The following PLXDC2 variants were observed in gnomAD, a reference collection of about 807,000 sequenced individuals.
PLXDC2 encodes the protein plexin domain-containing protein 2.
Under a neutral mutation model 68.9 loss-of-function variants are expected in PLXDC2, and 40 were observed. The observed-to-expected ratio is 0.58, with a 90% confidence interval of 0.45 to 0.76. The LOEUF (loss-of-function observed/expected upper bound fraction) is 0.76, where lower values mean the gene tolerates loss of function less well. PLXDC2 is among the 30% of genes least tolerant of loss of function. PLXDC2 has a pLI of 0.00. For missense variants in PLXDC2, 644 were observed against 661.9 expected, an observed-to-expected ratio of 0.97 and a Z score of 0.30; for synonymous variants, 243 against 234.2, an observed-to-expected ratio of 1.04 and a Z score of -0.34.
intron 1 of PLXDC2, among the ~76,000 whole-genome samples, chr10:19,903,197 T>C (rs1048541161): frequency 6.6e-6 from 1 of 152,134 alleles, no homozygotes; most frequent in Non-Finnish European, 1.5e-5. Context: ...CATCGAATGA[T>C]TTAGGGAGGA....
chr10:20,048,916 C>T (rs946215697), intron 3 of PLXDC2, among the ~76,000 whole-genome samples: 6 of 152,164 alleles, frequency 3.9e-5, no homozygotes, highest in Admixed American at 3.3e-4. Context: ...GTGGCAGTGA[C>T]GTTGTTGCTT....
chr10:19,924,480 C>T (rs117861571), intron 1 of PLXDC2, among the ~76,000 whole-genome samples: 26 of 152,212 alleles, frequency 1.7e-4, no homozygotes, highest in Non-Finnish European at 2.8e-4. Context: ...TTCTGATGAG[C>T]GAAGGCCTTG....
chr10:20,244,387 G>T (rs1170801465), intron 12 of PLXDC2, among the ~76,000 whole-genome samples: 1 of 152,156 alleles, frequency 6.6e-6, no homozygotes. Context: ...CAGAAAATGT[G>T]TATTACAGTG....
At chr10:19,912,208 T>C (rs192225137) in intron 1 of PLXDC2, among the ~76,000 whole-genome samples, 1 of 150,780 alleles carries the variant, frequency 6.6e-6, no homozygotes, top group African/African-American at 2.4e-5. Context: ...TCTTAGTGGG[T>C]TTTTTTTGCC....
chr10:19,819,375 A>C (rs1564598457), intron 1 of PLXDC2, among the ~76,000 whole-genome samples: 2 of 152,188 alleles, frequency 1.3e-5, no homozygotes, highest in African/African-American at 4.8e-5. Context: ...TATGAAAAAA[A>C]TATTGTAATT....
intron 10 of PLXDC2, among the ~76,000 whole-genome samples, chr10:20,216,713 T>C (rs1835142873): frequency 6.6e-6 from 1 of 152,194 alleles, no homozygotes. Context: ...TTCTAAGCTA[T>C]AAAAGTTTGG....
chr10:20,154,826 A>G (rs934008737), intron 6 of PLXDC2, among the ~76,000 whole-genome samples: 2 of 151,950 alleles, frequency 1.3e-5, no homozygotes, highest in African/African-American at 4.8e-5. Flanking sequence ...AAGGATAGTC[A>G]TTAGGTTAGG....
intron 1 of PLXDC2, among the ~76,000 whole-genome samples, chr10:19,910,819 G>C (rs1341549594): frequency 6.6e-6 from 1 of 151,868 alleles, no homozygotes; most frequent in Non-Finnish European, 1.5e-5. Context: ...GACCAGCCTA[G>C]TGAACATAGT....
chr10:20,006,222 TC>T (rs147143696), intron 2 of PLXDC2, among the ~76,000 whole-genome samples: 179 of 152,130 alleles, frequency 1.2e-3, no homozygotes, highest in African/African-American at 4.1e-3. Context: ...CACGGTTGCA[TC>T]TCTTTTGGGG....
chr10:20,171,046 T>C (rs79498167), intron 7 of PLXDC2, among the ~76,000 whole-genome samples: 4,876 of 152,228 alleles, frequency 0.032, 85 homozygotes, highest in South Asian at 0.069. Flanking sequence ...ATTTTTCCCA[T>C]AGAAAACAAT....
intron 1 of PLXDC2, among the ~76,000 whole-genome samples, chr10:19,914,818 G>T (rs1179099462): frequency 6.6e-6 from 1 of 152,140 alleles, no homozygotes; most frequent in East Asian, 1.9e-4. Flanking sequence ...AATTAAAATT[G>T]TATGTCTTCT....
intron 4 of PLXDC2, among the ~76,000 whole-genome samples, chr10:20,139,879 A>G (rs1370735609): frequency 1.3e-5 from 2 of 152,178 alleles, no homozygotes; most frequent in Non-Finnish European, 2.9e-5. Flanking sequence ...CGGGAGGGAT[A>G]GCATTAGGAG....
At chr10:19,870,850 T>A (rs572711974) in intron 1 of PLXDC2, among the ~76,000 whole-genome samples, 1 of 152,368 alleles carries the variant, frequency 6.6e-6, no homozygotes, top group South Asian at 2.1e-4. Context: ...TACTGCTTGC[T>A]GTGCACTGGA....
intron 2 of PLXDC2, among the ~76,000 whole-genome samples, chr10:20,039,414 C>T (rs1237726039): frequency 2.6e-5 from 4 of 152,092 alleles, no homozygotes; most frequent in South Asian, 2.1e-4. Flanking sequence ...GTTAAGTTAT[C>T]GAAGCTGGTA....
chr10:20,179,453 G>A (rs962438410), intron 9 of PLXDC2, among the ~76,000 whole-genome samples: 1 of 151,950 alleles, frequency 6.6e-6, no homozygotes, highest in Non-Finnish European at 1.5e-5. Flanking sequence ...AATTTGTCTA[G>A]CACAAAGGGT....
In PLXDC2 at chr10:19,971,716, A is replaced by C. The variant is rs117352052; in HGVS notation, c.113-30059A>C. Among the ~76,000 whole-genome samples the C allele has an allele frequency of 3.4e-4, 52 of 152,292 alleles. 1 individual carries two copies. The highest frequency in any genetic ancestry group is 6.8e-4 in the Non-Finnish European group (46 of 68,026). On this transcript the variant is annotated intron_variant, in intron 1 of 13. Transcript: ENST00000377252. ...TTTTCCATTTATTCATCTCTCGACA[A>C]ACATTTATTAAACTCCTTTTTTATG...
At chr10:19,863,695 T>A (rs913052) in intron 1 of PLXDC2, among the ~76,000 whole-genome samples, 86,154 of 152,098 alleles carry the variant, frequency 0.57, 24,672 homozygotes, top group East Asian at 0.7. Flanking sequence ...TGTAGCTTGT[T>A]TATTAAAAAT....
At chr10:20,085,546 C>T (rs1470749254) in intron 4 of PLXDC2, among the ~76,000 whole-genome samples, 2 of 152,114 alleles carry the variant, frequency 1.3e-5, no homozygotes, top group Non-Finnish European at 2.9e-5. Context: ...AAAATAGCAA[C>T]ATTTTCTAAT....
chr10:20,244,939 A>G (rs1346216076), intron 12 of PLXDC2, among the ~76,000 whole-genome samples: 7 of 152,062 alleles, frequency 4.6e-5, no homozygotes, highest in Non-Finnish European at 7.4e-5. Context: ...ACATGGTGAA[A>G]TCCCATCTCC....
Sources: allele counts gnomAD v4.1 joint callset (sites outside exome capture counted in the v4.1 genomes callset), GRCh38; gene constraint gnomAD v4.1.1; transcripts MANE v1.5; gene names NCBI Gene and HGNC (gene_info 2026-07-23, HGNC 2026-07-21).